The following LOC400499 variants were observed in gnomAD, a reference collection of about 807,000 sequenced individuals.
At chr16:11,413,174 G>T in the LOC400499 span, among the ~76,000 whole-genome samples, 1 of 152,292 alleles carries the variant, frequency 6.6e-6, no homozygotes, top group East Asian at 1.9e-4. Flanking sequence ...GGACCTCAAA[G>T]GACAGCTGCA....
At chr16:11,377,960 C>T in the LOC400499 span, among the ~76,000 whole-genome samples, 1 of 152,190 alleles carries the variant, frequency 6.6e-6, no homozygotes, top group Non-Finnish European at 1.5e-5. Flanking sequence ...GATTCAATCT[C>T]CTTGGTAGTT....
chr16:11,465,712 G>A, the LOC400499 span, among the ~76,000 whole-genome samples: 26 of 151,840 alleles, frequency 1.7e-4, 1 homozygote, highest in Admixed American at 1.7e-3. Flanking sequence ...GTTTGAGGCT[G>A]CAGTGATCTA....
chr16:11,373,410 G>A, the LOC400499 span, among the ~76,000 whole-genome samples: 40,298 of 152,014 alleles, frequency 0.27, 6,142 homozygotes, highest in Middle Eastern at 0.5. Flanking sequence ...AGTGGCTCAC[G>A]GCAACCTCTG....
chr16:11,443,122 G>A, the LOC400499 span, among the ~76,000 whole-genome samples: 2 of 151,870 alleles, frequency 1.3e-5, no homozygotes, highest in African/African-American at 2.4e-5. Flanking sequence ...TCAGGAGCTC[G>A]AGACCAGCCT....
At chr16:11,390,843 C>A in the LOC400499 span, among the ~76,000 whole-genome samples, 4 of 152,268 alleles carry the variant, frequency 2.6e-5, no homozygotes, top group South Asian at 8.3e-4. Context: ...GTGTGGCAGC[C>A]CCCAATAAAA....
chr16:11,518,624 A>C, the LOC400499 span, among the ~76,000 whole-genome samples: 1 of 152,144 alleles, frequency 6.6e-6, no homozygotes, highest in Non-Finnish European at 1.5e-5. Flanking sequence ...AGGTAAGAGA[A>C]GAGCACCTGC....
chr16:11,490,740 C>G, the LOC400499 span, among the ~76,000 whole-genome samples: 4 of 152,114 alleles, frequency 2.6e-5, no homozygotes, highest in Non-Finnish European at 5.9e-5. Context: ...AGCACAACAG[C>G]AAGTAGAACA....
chr16:11,479,265 CTGTG>C, the LOC400499 span, among the ~76,000 whole-genome samples: 1 of 152,102 alleles, frequency 6.6e-6, no homozygotes, highest in Non-Finnish European at 1.5e-5. Flanking sequence ...TGCTGAGAGA[CTGTG>C]TGTATGTTTT....
chr16:11,410,458 A>C, the LOC400499 span, among the ~76,000 whole-genome samples: 1 of 152,210 alleles, frequency 6.6e-6, no homozygotes, highest in African/African-American at 2.4e-5. Context: ...TGTCTCAAAA[A>C]AAATTTAAAA....
the LOC400499 span, among the ~76,000 whole-genome samples, chr16:11,400,335 G>A: frequency 9.9e-5 from 15 of 152,058 alleles, no homozygotes; most frequent in Admixed American, 9.2e-4. Flanking sequence ...CTCAAGCCCG[G>A]CTCCTTCCCA....
At chr16:11,443,880 G>C in the LOC400499 span, among the ~76,000 whole-genome samples, 1 of 151,898 alleles carries the variant, frequency 6.6e-6, no homozygotes, top group Non-Finnish European at 1.5e-5. Context: ...TGTCACCAAG[G>C]CTGGAGTGCA....
At chr16:11,448,166 C>A in the LOC400499 span, 1 of 1,412,666 alleles carries the variant, frequency 7.1e-7, no homozygotes, top group South Asian at 1.4e-5. Context: ...CCCCCCACAA[C>A]CTGCCCATCA....
the LOC400499 span, among the ~76,000 whole-genome samples, chr16:11,453,170 G>A: frequency 3.8e-4 from 58 of 152,222 alleles, no homozygotes; most frequent in African/African-American, 1.2e-3. Context: ...CTGTTTCAGC[G>A]GGTCTCTTAC....
the LOC400499 span, chr16:11,425,540 T>C: frequency 2.5e-6 from 1 of 397,932 alleles, no homozygotes; most frequent in Non-Finnish European, 4.4e-6. Flanking sequence ...AGATTCATGA[T>C]GTCGCACTTG....
chr16:11,383,157 C>T, the LOC400499 span, among the ~76,000 whole-genome samples: 1 of 151,966 alleles, frequency 6.6e-6, no homozygotes, highest in Admixed American at 6.6e-5. Context: ...GCTCTGCCTC[C>T]TGGGTTCACG....
At chr16:11,500,974 G>C in the LOC400499 span, 1 of 398,976 alleles carries the variant, frequency 2.5e-6, no homozygotes, top group Non-Finnish European at 4.4e-6. Flanking sequence ...GGCTGCCTGA[G>C]ATCATCAAGG....
chr16:11,394,238 C>A, the LOC400499 span, among the ~76,000 whole-genome samples: 3 of 152,198 alleles, frequency 2.0e-5, no homozygotes, highest in African/African-American at 7.2e-5. Context: ...TAAGTCCCTG[C>A]AGGTGCCCAG....
chr16:11,518,044 T>C, the LOC400499 span, among the ~76,000 whole-genome samples: 7 of 152,060 alleles, frequency 4.6e-5, no homozygotes, highest in Admixed American at 6.6e-5. Context: ...GAAATGCTAA[T>C]GGCGCCCACC....
the LOC400499 span, among the ~76,000 whole-genome samples, chr16:11,512,838 G>A: frequency 4.6e-5 from 7 of 152,304 alleles, no homozygotes; most frequent in East Asian, 1.4e-3. Context: ...TTCTGTAGCT[G>A]AGGGTCGGTG....
Sources: allele counts gnomAD v4.1 joint callset (sites outside exome capture counted in the v4.1 genomes callset), GRCh38; gene constraint gnomAD v4.1.1; transcripts MANE v1.5.